Variants in ATP2B4 observed in about 807,000 individuals in gnomAD.
ATP2B4 encodes plasma membrane calcium-transporting ATPase 4.
A neutral mutation model predicts 110.3 loss-of-function variants in ATP2B4; 39 were observed. The ratio of observed to expected loss-of-function variants is 0.35; its 90% CI spans 0.27 to 0.46. The LOEUF (loss-of-function observed/expected upper bound fraction) is 0.46, where lower values mean the gene tolerates loss of function less well. ATP2B4 is among the 20% of genes least tolerant of loss of function. The pLI is 1.00. For synonymous variants in ATP2B4, 538 were observed against 571.7 expected (o/e 0.94, Z 0.84); for missense variants, 1,135 against 1,530.9 (o/e 0.74, Z 4.32).
At chr1:203,697,026 T>C (rs897058736) in intron 2 of ATP2B4, among the ~76,000 whole-genome samples, 22 of 152,336 alleles carry the variant, frequency 1.4e-4, no homozygotes, top group African/African-American at 4.8e-4. Context: ...CCCACCTTTC[T>C]TGTTCTCTTT....
At chr1:203,652,580 G>A (rs1664032104) in intron 1 of ATP2B4, among the ~76,000 whole-genome samples, 1 of 152,180 alleles carries the variant, frequency 6.6e-6, no homozygotes, top group Non-Finnish European at 1.5e-5. Context: ...CCTGTGTTGA[G>A]CAAGTCTGTT....
At chr1:203,724,060 C>A (rs1666429646) in intron 19 of ATP2B4, 72 bp downstream of exon 19, 2 of 1,319,928 alleles carry the variant, frequency 1.5e-6, no homozygotes, top group Non-Finnish European at 2.1e-6. Flanking sequence ...TGAGATGGAA[C>A]AAGCAACGGT....
At chr1:203,670,094 A>G (rs1417613347) in intron 1 of ATP2B4, among the ~76,000 whole-genome samples, 1 of 152,130 alleles carries the variant, frequency 6.6e-6, no homozygotes, top group Non-Finnish European at 1.5e-5. Flanking sequence ...CTACCTTGGG[A>G]CACTGAAATA....
At chr1:203,655,038 G>C (rs769785394) in intron 1 of ATP2B4, among the ~76,000 whole-genome samples, 3 of 152,204 alleles carry the variant, frequency 2.0e-5, no homozygotes, top group Non-Finnish European at 4.4e-5. Flanking sequence ...AATAACTGTA[G>C]ATGTGGTGGA....
chr1:203,677,517 C>T (rs1193467119), intron 1 of ATP2B4, among the ~76,000 whole-genome samples: 1 of 152,188 alleles, frequency 6.6e-6, no homozygotes, highest in Non-Finnish European at 1.5e-5. Flanking sequence ...GGCGGGAGTG[C>T]AGTGGCACGA....
In ATP2B4 at chr1:203,627,152, C is replaced by T. The variant is rs76857273; in HGVS notation, c.-532C>T. ...ACTGGTGGGTGGTCACCCCACCCTA[C>T]CCTCATCCATGGAAACCCGGAGGGA... On this transcript the variant is annotated 5_prime_UTR_variant, in exon 1 of 21. Transcript: ENST00000357681. 14,189 of 152,310 alleles carry T rather than the reference C, an allele frequency of 0.093. 1,160 individuals are homozygous for T. Among genetic ancestry groups the T allele is most frequent in the African/African-American group, 0.23 (9,383 of 41,542 alleles). The allele number at this position is 152,310 out of a possible 1,614,324, so 9.4% of individuals were successfully genotyped here. A position where few individuals can be genotyped will look rare whatever the true frequency, so the allele number is the denominator to read the frequency against.
chr1:203,685,779 A>G (rs971643690), intron 2 of ATP2B4, among the ~76,000 whole-genome samples: 32 of 152,198 alleles, frequency 2.1e-4, no homozygotes, highest in African/African-American at 7.5e-4. Flanking sequence ...TGTTAATAAC[A>G]CCTAGCCCAT....
intron 20 of ATP2B4, 53 bp from the exon 21 acceptor site, chr1:203,739,493 G>A: frequency 6.5e-7 from 1 of 1,545,890 alleles, no homozygotes; most frequent in Non-Finnish European, 8.8e-7. Flanking sequence ...TGTTCTGCCG[G>A]CCAATTCTCA....
At chr1:203,688,837 A>G (rs1005999208) in intron 2 of ATP2B4, among the ~76,000 whole-genome samples, 1 of 152,196 alleles carries the variant, frequency 6.6e-6, no homozygotes, top group Non-Finnish European at 1.5e-5. Flanking sequence ...ACATGTTTAC[A>G]TCAAAGTAAC....
chr1:203,661,039 A>G (rs1819759), intron 1 of ATP2B4, among the ~76,000 whole-genome samples: 137,576 of 151,874 alleles, frequency 0.91, 63,443 homozygotes, highest in Non-Finnish European at 0.99. Context: ...GAACCCAGGA[A>G]GCAGAGGTTA....
At chr1:203,727,285 G>T in intron 19 of ATP2B4, 110 bp from the exon 20 acceptor site, 1 of 1,273,092 alleles carries the variant, frequency 7.9e-7, no homozygotes, top group Non-Finnish European at 1.1e-6. Flanking sequence ...CCAGTGGGAA[G>T]GGTGGTAGGG....
intron 1 of ATP2B4, among the ~76,000 whole-genome samples, chr1:203,680,608 C>CAAAAAAAA (rs372298550): frequency 2.3e-5 from 3 of 130,774 alleles, no homozygotes; most frequent in African/African-American, 5.6e-5. Context: ...GACTCCGTCT[C>CAAAAAAAA]AAAAAAAAAA....
At chr1:203,656,097 A>G (rs1664156931) in intron 1 of ATP2B4, among the ~76,000 whole-genome samples, 1 of 151,202 alleles carries the variant, frequency 6.6e-6, no homozygotes, top group Non-Finnish European at 1.5e-5. Context: ...TTATAGATTA[A>G]TATAATATAC....
intron 1 of ATP2B4, among the ~76,000 whole-genome samples, chr1:203,647,458 C>T (rs1461144606): frequency 6.6e-6 from 1 of 151,134 alleles, no homozygotes; most frequent in African/African-American, 2.4e-5. Flanking sequence ...AAAATAACAA[C>T]AACAACAAAA....
At chr1:203,701,770 A>C (rs1665699144) in intron 6 of ATP2B4, among the ~76,000 whole-genome samples, 1 of 152,146 alleles carries the variant, frequency 6.6e-6, no homozygotes, top group Admixed American at 6.5e-5. Context: ...TTTTCCAAGC[A>C]ATGTGACTCA....
intron 1 of ATP2B4, among the ~76,000 whole-genome samples, chr1:203,660,279 G>A (rs534966540): frequency 6.6e-6 from 1 of 152,288 alleles, no homozygotes; most frequent in Admixed American, 6.5e-5. Flanking sequence ...TTATGGTCCA[G>A]TTTCACCACA....
chr1:203,729,719 C>T (rs1236099517), intron 20 of ATP2B4: 1 of 1,349,892 alleles, frequency 7.4e-7, no homozygotes, highest in South Asian at 1.2e-5. Context: ...TCCTGGGGAG[C>T]CCTGAGCACT....
chr1:203,707,272 G>C, intron 9 of ATP2B4, 49 bp downstream of exon 9: 2 of 1,540,338 alleles, frequency 1.3e-6, no homozygotes, highest in Non-Finnish European at 1.8e-6. Flanking sequence ...AGATGGGAGA[G>C]AAGGGTACCA....
intron 1 of ATP2B4, among the ~76,000 whole-genome samples, chr1:203,651,227 TTCTC>T (rs1203436683): frequency 1.3e-5 from 2 of 152,146 alleles, no homozygotes; most frequent in South Asian, 2.1e-4. Context: ...ATTTTTTTTC[TTCTC>T]TCTCTCTGTC....
Sources: gnomAD v4.1 joint callset for allele counts (sites outside exome capture counted in the v4.1 genomes callset) on GRCh38, gnomAD v4.1.1 for gene constraint, MANE v1.5 for transcripts, NCBI Gene and HGNC (gene_info 2026-07-23, HGNC 2026-07-21) for gene names.